The following TMEM135 variants were observed in gnomAD, a reference collection of about 807,000 sequenced individuals.
The protein encoded by TMEM135 is peroxisomal membrane protein 52.
Under a neutral mutation model 60.3 loss-of-function variants are expected in TMEM135, and 30 were observed. The observed-to-expected ratio is 0.50, with a 90% CI of 0.37 to 0.68. The LOEUF (loss-of-function observed/expected upper bound fraction) is 0.68. Among genes scored for constraint, TMEM135 ranks in the 30% least tolerant of loss-of-function variants. The pLI, the probability that TMEM135 is intolerant of heterozygous loss-of-function variation, is 0.00. For synonymous variants in TMEM135, 190 were observed against 186.7 expected (o/e 1.02, Z -0.14); for missense variants, 468 against 548.8 (o/e 0.85, Z 1.47).
At chr11:87,195,379 T>TC (rs1268932202) in intron 5 of TMEM135, among the ~76,000 whole-genome samples, 1,052 of 96,968 alleles carry the variant, frequency 0.011, 64 homozygotes, top group Non-Finnish European at 0.015. Flanking sequence ...CCTTCCTTCC[T>TC]TCCTTCCTTC....
chr11:87,265,230 A>T (rs753134799), intron 6 of TMEM135, among the ~76,000 whole-genome samples: 3 of 151,954 alleles, frequency 2.0e-5, no homozygotes, highest in African/African-American at 7.2e-5. Flanking sequence ...TTAGTCCTAC[A>T]CATCTGGTTG....
intron 6 of TMEM135, among the ~76,000 whole-genome samples, chr11:87,248,672 C>T (rs189706828): frequency 5.2e-4 from 79 of 151,698 alleles, no homozygotes; most frequent in African/African-American, 1.8e-3. Flanking sequence ...ACATTTTGAT[C>T]AGATTGTACT....
chr11:87,175,752 C>T (rs1372862597), intron 5 of TMEM135, among the ~76,000 whole-genome samples: 1 of 152,078 alleles, frequency 6.6e-6, no homozygotes, highest in Non-Finnish European at 1.5e-5. Context: ...TGTACCTCCG[C>T]TACACCAACC....
At chr11:87,068,165 G>A (rs1177463861) in intron 2 of TMEM135, among the ~76,000 whole-genome samples, 1 of 152,124 alleles carries the variant, frequency 6.6e-6, no homozygotes, top group East Asian at 1.9e-4. Context: ...TCTATGACAT[G>A]GGTTAGGGCC....
chr11:87,160,273 A>G (rs918997598), intron 5 of TMEM135, among the ~76,000 whole-genome samples: 2 of 152,154 alleles, frequency 1.3e-5, no homozygotes, highest in Non-Finnish European at 2.9e-5. Context: ...GAAATGGGAG[A>G]AGATTTTCCG....
At chr11:87,209,862 A>G (rs1354341857) in intron 5 of TMEM135, among the ~76,000 whole-genome samples, 1 of 152,190 alleles carries the variant, frequency 6.6e-6, no homozygotes, top group East Asian at 1.9e-4. Context: ...ATCATTACCA[A>G]GAAGATCTGT....
intron 4 of TMEM135, among the ~76,000 whole-genome samples, chr11:87,098,989 A>G (rs570045506): frequency 6.6e-6 from 1 of 152,084 alleles, no homozygotes; most frequent in Admixed American, 6.5e-5. Flanking sequence ...TGCCCAGCCA[A>G]ATATCTTAAA....
At chr11:87,248,424 T>C (rs629932) in intron 6 of TMEM135, among the ~76,000 whole-genome samples, 1 of 151,984 alleles carries the variant, frequency 6.6e-6, no homozygotes, top group Non-Finnish European at 1.5e-5. Flanking sequence ...TCTCATTGTA[T>C]TTTTGATTTG....
chr11:87,196,603 T>C (rs898420002), intron 5 of TMEM135, among the ~76,000 whole-genome samples: 1 of 152,126 alleles, frequency 6.6e-6, no homozygotes, highest in Non-Finnish European at 1.5e-5. Flanking sequence ...GGGAATTTGA[T>C]GGGGGGAACC....
intron 12 of TMEM135, 49 bp downstream of exon 12, chr11:87,314,596 T>G: frequency 4.8e-6 from 7 of 1,444,678 alleles, no homozygotes; most frequent in Non-Finnish European, 6.8e-6. Context: ...ATAAAGCTTT[T>G]AGCTGCTGAC....
At chr11:87,313,227 T>A (rs1261012590) in intron 10 of TMEM135, among the ~76,000 whole-genome samples, 198 bp from the exon 11 acceptor site, 2 of 151,862 alleles carry the variant, frequency 1.3e-5, no homozygotes, top group African/African-American at 4.8e-5. Context: ...AATTTCTTAA[T>A]AGAGTCTATA....
chr11:87,074,708 A>G (rs1209027866), intron 3 of TMEM135, among the ~76,000 whole-genome samples: 1 of 152,204 alleles, frequency 6.6e-6, no homozygotes, highest in East Asian at 1.9e-4. Flanking sequence ...ATATGGAAAC[A>G]TGTTATAAAC....
At chr11:87,157,499 T>A in intron 5 of TMEM135, 93 bp downstream of exon 5, 3 of 1,117,028 alleles carry the variant, frequency 2.7e-6, no homozygotes, top group Non-Finnish European at 4.1e-6. Flanking sequence ...ATGCTTTGTC[T>A]AAGAAATAGA....
At chr11:87,201,603 G>A (rs1187488013) in intron 5 of TMEM135, among the ~76,000 whole-genome samples, 1 of 152,148 alleles carries the variant, frequency 6.6e-6, no homozygotes, top group East Asian at 1.9e-4. Context: ...CTGGTTGGAG[G>A]AGTTAATTTT....
intron 3 of TMEM135, among the ~76,000 whole-genome samples, chr11:87,077,676 G>A (rs1276954354): frequency 1.3e-5 from 2 of 152,154 alleles, no homozygotes; most frequent in Non-Finnish European, 2.9e-5. Context: ...TCACAAAGTT[G>A]TTTAACTACC....
At chr11:87,144,205 A>C (rs1938342306) in intron 4 of TMEM135, among the ~76,000 whole-genome samples, 1 of 152,176 alleles carries the variant, frequency 6.6e-6, no homozygotes, top group African/African-American at 2.4e-5. Flanking sequence ...TGCTTATTAA[A>C]AAAAACAAAC....
chr11:87,188,006 C>G (rs1939695596), intron 5 of TMEM135, among the ~76,000 whole-genome samples: 1 of 152,144 alleles, frequency 6.6e-6, no homozygotes, highest in Admixed American at 6.5e-5. Context: ...GTTTATGCTA[C>G]AGGATATTTT....
intron 2 of TMEM135, among the ~76,000 whole-genome samples, chr11:87,071,191 G>A (rs1198989184): frequency 6.6e-6 from 1 of 152,142 alleles, no homozygotes; most frequent in Non-Finnish European, 1.5e-5. Flanking sequence ...AGGGGCAGTA[G>A]GTTGGAGAGG....
chr11:87,108,177 G>A (rs576917425), intron 4 of TMEM135, among the ~76,000 whole-genome samples: 2 of 152,086 alleles, frequency 1.3e-5, no homozygotes, highest in South Asian at 2.1e-4. Flanking sequence ...TTGTCAGATG[G>A]GTAGATTGCA....
Sources: gnomAD v4.1 joint callset for allele counts (sites outside exome capture counted in the v4.1 genomes callset) on GRCh38, gnomAD v4.1.1 for gene constraint, MANE v1.5 for transcripts, NCBI Gene and HGNC (gene_info 2026-07-23, HGNC 2026-07-21) for gene names.